Variants in SEMA6D observed in about 807,000 individuals in gnomAD.
SEMA6D encodes semaphorin-6D.
Under a neutral mutation model 106.6 loss-of-function variants are expected in SEMA6D, and 35 were observed. The observed-to-expected ratio is 0.33, with a 90% CI of 0.25 to 0.44. The LOEUF is 0.44. Among genes scored for constraint, SEMA6D ranks in the 20% least tolerant of loss-of-function variants. The pLI is 1.00. For missense variants in SEMA6D, 1,185 were observed against 1,345.9 expected (o/e 0.88, Z 1.87); for synonymous variants, 499 against 487.7 (o/e 1.02, Z -0.31).
intron 1 of SEMA6D, among the ~76,000 whole-genome samples, chr15:47,312,960 T>C (rs1387257067): frequency 6.6e-6 from 1 of 152,158 alleles, no homozygotes; most frequent in Non-Finnish European, 1.5e-5. Flanking sequence ...TTCCCCTTTT[T>C]ATAGACTTTA....
chr15:47,421,980 G>T (rs753602579), intron 2 of SEMA6D, among the ~76,000 whole-genome samples: 6 of 151,912 alleles, frequency 3.9e-5, no homozygotes, highest in Non-Finnish European at 5.9e-5. Context: ...GTGTAATTTT[G>T]ATTTCTTCAC....
intron 1 of SEMA6D, among the ~76,000 whole-genome samples, chr15:47,362,234 TGG>T (rs1044792369): frequency 1.3e-5 from 2 of 152,060 alleles, no homozygotes; most frequent in Non-Finnish European, 2.9e-5. Flanking sequence ...GAAATCATTA[TGG>T]GGAAACAACT....
At chr15:47,207,926 C>T (rs1348420296) in intron 1 of SEMA6D, among the ~76,000 whole-genome samples, 5 of 150,476 alleles carry the variant, frequency 3.3e-5, no homozygotes, top group African/African-American at 1.2e-4. Flanking sequence ...AAATCAACAT[C>T]AGAGGTACCA....
Position 47,592,410 on chromosome 15 carries a change from T to G in SEMA6D, c.-86-8455T>G, listed in dbSNP as rs181830013. Among the ~76,000 whole-genome samples the G allele has an allele frequency of 4.1e-4, 63 of 152,340 alleles. 1 individual carries two copies. Among genetic ancestry groups the G allele is most frequent in the Non-Finnish European group, 6.6e-4 (45 of 68,034 alleles). On this transcript the variant is annotated intron_variant, in intron 3 of 19. Coordinates refer to the SEMA6D transcript ENST00000558014. ...AGACTCAGACTGCACAGATTAATTG[T>G]ATCTCATCCTAGAAAGCAGCCATAT...
intron 4 of SEMA6D, among the ~76,000 whole-genome samples, chr15:47,644,628 T>G (rs918731079): frequency 6.6e-6 from 1 of 152,202 alleles, no homozygotes; most frequent in Admixed American, 6.5e-5. Context: ...CCCTTCTGCC[T>G]TCTGCCCTTT....
rs1400632593 is a variant in SEMA6D at position 47,440,936 on chromosome 15, GACCAAAC to G, written c.-159+28467_-159+28473del. On this transcript the variant is annotated intron_variant, in intron 2 of 19. Transcript: ENST00000558014. ...ATAATTCTTTCTTTGACCTTTAGGA[GACCAAAC>G]ACTACAATCAGGCTCATCTGTTTGT... 4.6e-5 allele frequency among the ~76,000 whole-genome samples: 7 copies of G among 152,186 alleles called. No homozygotes were observed. The South Asian group carries it at 1.5e-3, about 32-fold the overall frequency.
intron 1 of SEMA6D, among the ~76,000 whole-genome samples, chr15:47,242,837 C>T (rs992599609): frequency 6.6e-6 from 1 of 152,038 alleles, no homozygotes; most frequent in African/African-American, 2.4e-5. Context: ...CATTTTAGTA[C>T]ATAACTAGGT....
chr15:47,373,548 A>G (rs1465376342), intron 1 of SEMA6D, among the ~76,000 whole-genome samples: 1 of 152,112 alleles, frequency 6.6e-6, no homozygotes, highest in Non-Finnish European at 1.5e-5. Context: ...GAAAGTGAGA[A>G]AGGGAAAAAA....
chr15:47,618,609 GT>G (rs1438946195), intron 4 of SEMA6D, among the ~76,000 whole-genome samples: 2 of 152,200 alleles, frequency 1.3e-5, no homozygotes, highest in Non-Finnish European at 2.9e-5. Flanking sequence ...TATAGAAATA[GT>G]AGAGTTAATC....
chr15:47,326,121 T>G (rs184767091), intron 1 of SEMA6D, among the ~76,000 whole-genome samples: 2 of 152,278 alleles, frequency 1.3e-5, no homozygotes, highest in Admixed American at 1.3e-4. Context: ...AAAAACTACA[T>G]GTTAAACCAT....
At chr15:47,491,982 T>C (rs1226438833) in intron 3 of SEMA6D, among the ~76,000 whole-genome samples, 1 of 152,128 alleles carries the variant, frequency 6.6e-6, no homozygotes, top group Non-Finnish European at 1.5e-5. Flanking sequence ...TGGGTCTTAA[T>C]CATGAATGCT....
intron 1 of SEMA6D, among the ~76,000 whole-genome samples, chr15:47,723,193 C>CT (rs1451873962): frequency 6.6e-6 from 1 of 152,146 alleles, no homozygotes; most frequent in African/African-American, 2.4e-5. Context: ...AAATTACCAT[C>CT]TTTTTTCTAA....
intron 1 of SEMA6D, among the ~76,000 whole-genome samples, chr15:47,298,842 T>C (rs16959214): frequency 0.027 from 4,184 of 152,316 alleles, 140 homozygotes; most frequent in African/African-American, 0.077. Context: ...GTGAAGAGGA[T>C]AATGAAGATA....
intron 4 of SEMA6D, among the ~76,000 whole-genome samples, chr15:47,640,781 G>T (rs77218818): frequency 1.3e-5 from 2 of 151,908 alleles, no homozygotes; most frequent in Non-Finnish European, 2.9e-5. Flanking sequence ...CATCCTAATC[G>T]TGTGCACCCA....
chr15:47,195,460 A>G (rs1031473002), intron 1 of SEMA6D, among the ~76,000 whole-genome samples: 22 of 152,246 alleles, frequency 1.4e-4, no homozygotes, highest in African/African-American at 3.6e-4. Flanking sequence ...ATAATTTTCT[A>G]TCTCCCCTGA....
intron 2 of SEMA6D, among the ~76,000 whole-genome samples, chr15:47,439,372 A>G (rs1288147187): frequency 6.6e-6 from 1 of 152,122 alleles, no homozygotes; most frequent in African/African-American, 2.4e-5. Context: ...GGCCCTTAGA[A>G]GTCTTTAATT....
At chr15:47,689,822 C>T (rs1245737847) in intron 4 of SEMA6D, among the ~76,000 whole-genome samples, 1 of 152,214 alleles carries the variant, frequency 6.6e-6, no homozygotes, top group Non-Finnish European at 1.5e-5. Flanking sequence ...GGACTGACTT[C>T]CATGACAGTC....
intron 1 of SEMA6D, among the ~76,000 whole-genome samples, chr15:47,377,607 G>C (rs903512752): frequency 2.0e-5 from 3 of 152,200 alleles, no homozygotes; most frequent in African/African-American, 7.2e-5. Context: ...AGGATTAGAC[G>C]TTGTCAGTAG....
At chr15:47,319,452 A>G (rs1219567640) in intron 1 of SEMA6D, among the ~76,000 whole-genome samples, 1 of 152,152 alleles carries the variant, frequency 6.6e-6, no homozygotes, top group African/African-American at 2.4e-5. Flanking sequence ...GGAGGACTCT[A>G]TAGTCCTATA....
Sources: gnomAD v4.1 joint callset for allele counts (sites outside exome capture counted in the v4.1 genomes callset) on GRCh38, gnomAD v4.1.1 for gene constraint, MANE v1.5 for transcripts, NCBI Gene and HGNC (gene_info 2026-07-23, HGNC 2026-07-21) for gene names.